Variants in BICDL1 observed in about 807,000 individuals in gnomAD.
The protein encoded by BICDL1 is BICD family-like cargo adapter 1.
A neutral mutation model predicts 76.8 loss-of-function variants in BICDL1; 20 were observed. That is an observed-to-expected ratio of 0.26 (90% confidence interval 0.18 to 0.38). The LOEUF (loss-of-function observed/expected upper bound fraction) is 0.38, where lower values mean the gene tolerates loss of function less well. Ranked by LOEUF, BICDL1 falls within the 10% of genes least tolerant of loss-of-function variation. BICDL1 has a pLI of 1.00. For synonymous variants in BICDL1, 383 were observed against 337.1 expected, an observed-to-expected ratio of 1.14 and a Z score of -1.49; for missense variants, 700 against 798.6, an observed-to-expected ratio of 0.88 and a Z score of 1.49.
intron 9 of BICDL1, chr12:120,091,211 G>A: frequency 1.7e-6 from 2 of 1,178,242 alleles, no homozygotes; most frequent in South Asian, 1.7e-5. Flanking sequence ...AGCAGTGTGT[G>A]GCCCAGTGCT....
Position 119,990,148 on chromosome 12 carries a change from T to A in BICDL1, c.280T>A (p.Ser94Thr). 1.3e-6 allele frequency: 2 copies of A among 1,550,956 alleles called. No homozygotes were observed. Among genetic ancestry groups the A allele is most frequent in the Non-Finnish European group, 1.7e-6 (2 of 1,147,400 alleles). Residue 94 changes from serine to threonine, a missense_variant, in exon 1 of 10, where the codon TCC becomes ACC. Ser to Thr is a moderately conservative substitution (Grantham distance 58). Coordinates refer to ENST00000548673, the MANE Select transcript of BICDL1 (RefSeq NM_001367886.1). ...AEGAGPQPPP[S>T]QDPELLSVIR... ...GGGGGCCGGACCGCAGCCGCCGCCC[T>A]CCCAGGACCCCGAGCTGCTGTCGGT...
chr12:119,999,883 T>C, intron 2 of BICDL1: 1 of 382,284 alleles, frequency 2.6e-6, no homozygotes. Context: ...AGCACTGATG[T>C]TCTCATGGGA....
At chr12:120,064,969 T>C in intron 4 of BICDL1, 90 bp downstream of exon 4, 1 of 1,434,052 alleles carries the variant, frequency 7.0e-7, no homozygotes, top group Non-Finnish European at 9.4e-7. Context: ...CCAGCATCAC[T>C]GCTGGGGTAA....
At chr12:120,029,500 G>A (rs991114100) in intron 2 of BICDL1, among the ~76,000 whole-genome samples, 11 of 152,126 alleles carry the variant, frequency 7.2e-5, no homozygotes, top group African/African-American at 2.7e-4. Flanking sequence ...TAGCATCAAT[G>A]TCAAGCAGTG....
intron 7 of BICDL1, among the ~76,000 whole-genome samples, chr12:120,080,030 G>C (rs1187947996): frequency 6.6e-6 from 1 of 152,244 alleles, no homozygotes; most frequent in African/African-American, 2.4e-5. Context: ...AGAGATTTCG[G>C]ATGATGACTA....
rs570588809 is a variant in BICDL1 at position 120,072,740 on chromosome 12, A to G, written c.1308+11A>G. 6.2e-7 allele frequency: 1 copy of G among 1,608,404 alleles called. No homozygotes were observed. Among genetic ancestry groups the G allele is most frequent in the African/African-American group, 1.3e-5 (1 of 74,972 alleles). On this transcript the variant is annotated intron_variant, in intron 6 of 9. Coordinates refer to ENST00000548673, the MANE Select transcript of BICDL1 (RefSeq NM_001367886.1). ...GGCATGGAGCCCACGGTAAGAGGCC[A>G]GTCTGAGATGGTCCTTACCCCACAG...
intron 9 of BICDL1, chr12:120,092,307 CGA>C: frequency 1.0e-6 from 1 of 985,384 alleles, no homozygotes; most frequent in Non-Finnish European, 1.2e-6. Context: ...TGAACGAATT[CGA>C]GTTGGGGGAC....
At chr12:120,072,867 GGTT>G in intron 6 of BICDL1, 138 bp downstream of exon 6, 1 of 771,032 alleles carries the variant, frequency 1.3e-6, no homozygotes, top group Non-Finnish European at 2.1e-6. Flanking sequence ...AGCCCTTATT[GGTT>G]GTTTTGGATT....
intron 2 of BICDL1, among the ~76,000 whole-genome samples, chr12:120,041,164 A>G (rs1462716685): frequency 1.3e-5 from 2 of 152,212 alleles, no homozygotes; most frequent in Non-Finnish European, 2.9e-5. Flanking sequence ...ATAAGGTAAA[A>G]CTGAGAGGGA....
At chr12:120,001,458 G>A (rs1951757355) in intron 2 of BICDL1, among the ~76,000 whole-genome samples, 1 of 152,124 alleles carries the variant, frequency 6.6e-6, no homozygotes, top group South Asian at 2.1e-4. Context: ...GTGTTAGCCA[G>A]GATGGTCTCG....
At chr12:120,065,968 T>C (rs1953211487) in intron 4 of BICDL1, among the ~76,000 whole-genome samples, 1 of 152,222 alleles carries the variant, frequency 6.6e-6, no homozygotes, top group Non-Finnish European at 1.5e-5. Flanking sequence ...CATATATTAA[T>C]AGTAGTACCT....
intron 8 of BICDL1, 43 bp from the exon 9 acceptor site, chr12:120,089,908 T>C: frequency 6.2e-7 from 1 of 1,604,012 alleles, no homozygotes; most frequent in Non-Finnish European, 8.5e-7. Flanking sequence ...AAGATGCCTC[T>C]GGCACAAGGT....
At chr12:120,037,141 CAT>C (rs1952544679) in intron 2 of BICDL1, among the ~76,000 whole-genome samples, 1 of 152,164 alleles carries the variant, frequency 6.6e-6, no homozygotes, top group Admixed American at 6.5e-5. Flanking sequence ...CAGTGCCTAA[CAT>C]GTTGTCTTGC....
At chr12:120,028,574 G>T (rs1952356645) in intron 2 of BICDL1, among the ~76,000 whole-genome samples, 1 of 152,018 alleles carries the variant, frequency 6.6e-6, no homozygotes, top group Non-Finnish European at 1.5e-5. Context: ...CACTCTGGAG[G>T]CTGAGGCAGG....
intron 2 of BICDL1, among the ~76,000 whole-genome samples, chr12:120,031,863 G>T (rs1390802248): frequency 6.6e-6 from 1 of 152,138 alleles, no homozygotes; most frequent in Non-Finnish European, 1.5e-5. Flanking sequence ...GGTCGAGGCA[G>T]GAGGATCGCT....
chr12:120,051,782 A>G (rs1952864839), intron 2 of BICDL1, among the ~76,000 whole-genome samples: 2 of 152,218 alleles, frequency 1.3e-5, no homozygotes, highest in Non-Finnish European at 2.9e-5. Flanking sequence ...AGACACTACT[A>G]TTAACTAATC....
At chr12:120,012,667 A>G (rs112213768) in intron 2 of BICDL1, among the ~76,000 whole-genome samples, 24 of 152,286 alleles carry the variant, frequency 1.6e-4, no homozygotes, top group East Asian at 1.5e-3. Flanking sequence ...TATCAATTCT[A>G]TGTGTTCTCA....
At chr12:120,050,686 G>A (rs1952840014) in intron 2 of BICDL1, among the ~76,000 whole-genome samples, 1 of 152,026 alleles carries the variant, frequency 6.6e-6, no homozygotes, top group African/African-American at 2.4e-5. Flanking sequence ...CTGTTGCCCA[G>A]GCTGGAATGC....
chr12:120,054,063 A>C (rs2138864994), intron 2 of BICDL1, among the ~76,000 whole-genome samples: 1 of 143,800 alleles, frequency 7.0e-6, no homozygotes, highest in African/African-American at 2.8e-5. Flanking sequence ...ATAATCCCAA[A>C]AAAATTGTAA....
Sources: allele counts gnomAD v4.1 joint callset (sites outside exome capture counted in the v4.1 genomes callset), GRCh38; gene constraint gnomAD v4.1.1; transcripts MANE v1.5; gene names NCBI Gene and HGNC (gene_info 2026-07-23, HGNC 2026-07-21).